The following VRK3 variants were observed in gnomAD, a reference collection of about 807,000 sequenced individuals.
The protein encoded by VRK3 is VRK serine/threonine kinase 3.
A neutral mutation model predicts 60.4 loss-of-function variants in VRK3; 50 were observed. The observed-to-expected ratio is 0.83, with a 90% CI of 0.66 to 1.05. The LOEUF (loss-of-function observed/expected upper bound fraction) is 1.05. Among genes scored for constraint, VRK3 ranks in the 50% least tolerant of loss-of-function variants. The probability of loss-of-function intolerance (pLI) is 0.00; values close to 1 mark genes in which losing one functional copy is unlikely to be tolerated. For synonymous variants in VRK3, 246 were observed against 227.8 expected, an observed-to-expected ratio of 1.08 and a Z score of -0.72; for missense variants, 549 against 585.3, an observed-to-expected ratio of 0.94 and a Z score of 0.64.
At chr19:49,989,071 C>T (rs1021268700) in intron 11 of VRK3, among the ~76,000 whole-genome samples, 3 of 152,150 alleles carry the variant, frequency 2.0e-5, no homozygotes, top group African/African-American at 2.4e-5. Flanking sequence ...TTCCACCACC[C>T]GATGCTGGAG....
chr19:49,994,255 A>G (rs2076662137), intron 9 of VRK3, among the ~76,000 whole-genome samples: 1 of 152,134 alleles, frequency 6.6e-6, no homozygotes, highest in African/African-American at 2.4e-5. Flanking sequence ...TGTTTGATTC[A>G]CTATTGGCCC....
intron 8 of VRK3, 73 bp from the exon 9 acceptor site, chr19:49,994,992 C>T (rs2076676819): frequency 6.9e-7 from 1 of 1,445,750 alleles, no homozygotes; most frequent in Non-Finnish European, 9.5e-7. Context: ...CAAGGATGGA[C>T]TGTTGCGTGG....
chr19:50,009,539 A>T (rs548105774), intron 3 of VRK3, among the ~76,000 whole-genome samples, 154 bp from the exon 4 acceptor site: 1 of 152,180 alleles, frequency 6.6e-6, no homozygotes, highest in Admixed American at 6.5e-5. Context: ...TATATGAGCA[A>T]ACTGTTCCTT....
chr19:49,985,209 G>T (rs577102642), intron 12 of VRK3, among the ~76,000 whole-genome samples: 23 of 152,284 alleles, frequency 1.5e-4, no homozygotes, highest in Admixed American at 7.2e-4. Flanking sequence ...TCTGTGACTC[G>T]TTTTCACCTG....
rs780112038 is a variant in VRK3 at position 50,007,754 on chromosome 19, C to A, written c.362G>T (p.Gly121Val). Reference sequence around the variant, plus strand: ...GCTACAGCTGGTCTTCTGAGGGCTACCCCTGGTCACCTGAGGGCTCTTCCT... The same window carrying A: ...GCTACAGCTGGTCTTCTGAGGGCTAACCCTGGTCACCTGAGGGCTCTTCCT... ...KTRKSPQVTR[G>V]SPQKTSCSPQ... Residue 121 changes from glycine (G) to valine (V), a missense_variant, in exon 5 of 15, where the codon GGT becomes GTT. Gly to Val is a moderately radical substitution (Grantham distance 109, BLOSUM62 -3). Transcript: ENST00000316763. 1.2e-6 allele frequency: 2 copies of A among 1,613,856 alleles called. No individual in the cohort carries two copies. The highest frequency in any genetic ancestry group is 1.7e-5 in the Admixed American group (1 of 60,010).
intron 9 of VRK3, among the ~76,000 whole-genome samples, chr19:49,994,033 C>A (rs1600675745): frequency 6.6e-6 from 1 of 152,174 alleles, no homozygotes; most frequent in Admixed American, 6.5e-5. Context: ...TGCGAGGCCC[C>A]GTGTGATGTG....
Position 50,016,021 on chromosome 19 carries a change from T to TA in VRK3, c.139+2dup. On this transcript the variant is annotated splice_region_variant and intron_variant, in intron 3 of 14. Coordinates refer to ENST00000316763, the MANE Select transcript of VRK3 (RefSeq NM_016440.4). ...GAAACAGGCTCAATGCTCTGGTTCT[T>TA]ACCTTGGAAGGATGACACATGTGGA... 1 of 1,614,112 alleles carries TA rather than the reference T, an allele frequency of 6.2e-7. No homozygotes were observed. The highest frequency in any genetic ancestry group is 1.1e-5 in the South Asian group (1 of 91,064).
At chr19:49,993,757 C>T (rs1356366339) in intron 9 of VRK3, among the ~76,000 whole-genome samples, 1 of 152,070 alleles carries the variant, frequency 6.6e-6, no homozygotes, top group African/African-American at 2.4e-5. Context: ...ATATCCCCAA[C>T]CCTCTTTGAC....
intron 6 of VRK3, chr19:49,999,971 C>G (rs1461325853): frequency 2.0e-5 from 3 of 152,242 alleles, no homozygotes; most frequent in Admixed American, 2.0e-4. Flanking sequence ...CAGCCCGGCT[C>G]AGGCAATGCC....
intron 4 of VRK3, among the ~76,000 whole-genome samples, chr19:50,008,055 C>A (rs913877124): frequency 6.6e-6 from 1 of 152,124 alleles, no homozygotes; most frequent in African/African-American, 2.4e-5. Context: ...CAAGTCTGCT[C>A]TAGACACAGC....
At chr19:49,992,657 TTTC>T (rs1373072218) in intron 10 of VRK3, among the ~76,000 whole-genome samples, 200 bp downstream of exon 10, 6 of 152,216 alleles carry the variant, frequency 3.9e-5, no homozygotes, top group Non-Finnish European at 8.8e-5. Flanking sequence ...AGCCTGTGGA[TTTC>T]TTTTTTTAAG....
chr19:49,997,633 C>A, intron 6 of VRK3, 63 bp from the exon 7 acceptor site: 2 of 1,578,088 alleles, frequency 1.3e-6, no homozygotes, highest in Non-Finnish European at 8.7e-7. Flanking sequence ...GGCCCCCAGT[C>A]CCCACTGGCA....
intron 8 of VRK3, 91 bp from the exon 9 acceptor site, chr19:49,995,010 G>A: frequency 7.5e-7 from 1 of 1,337,970 alleles, no homozygotes; most frequent in East Asian, 2.5e-5. Context: ...TGGGCTGCAA[G>A]GTCCTGGTCC....
chr19:50,023,746 G>T (rs959040634), intron 1 of VRK3, among the ~76,000 whole-genome samples: 1 of 151,656 alleles, frequency 6.6e-6, no homozygotes, highest in Admixed American at 6.6e-5. Context: ...GGGTGGGGGG[G>T]GTCCCCAGCT....
In VRK3 at chr19:50,020,846, C is replaced by T. The variant is rs531450099; in HGVS notation, c.-64-199G>A. On this transcript the variant is annotated intron_variant, in intron 1 of 14. Transcript: ENST00000316763. ...AACAGCAGCAAAGGAAACAACACAG[C>T]CCCTGTCTTCAGGATGCGCACGTTC... Among the ~76,000 whole-genome samples, 5 of 152,236 alleles carry T rather than the reference C, an allele frequency of 3.3e-5. No individual in the cohort carries two copies. The East Asian group carries it at 7.7e-4, about 23-fold the overall frequency.
intron 1 of VRK3, among the ~76,000 whole-genome samples, chr19:50,023,764 T>C (rs1337719596): frequency 6.6e-6 from 1 of 151,896 alleles, no homozygotes. Context: ...GCTGTGTCAG[T>C]ACACATTCAT....
At chr19:49,984,047 T>C (rs1334506650) in intron 12 of VRK3, among the ~76,000 whole-genome samples, 2 of 152,222 alleles carry the variant, frequency 1.3e-5, no homozygotes, top group Non-Finnish European at 2.9e-5. Flanking sequence ...CCCTGCACCA[T>C]GTTGGCGAGT....
chr19:49,986,655 T>C (rs1396753407), intron 12 of VRK3: 1 of 152,246 alleles, frequency 6.6e-6, no homozygotes. Context: ...AAAGGCTTCA[T>C]GTGAGGGAAG....
rs901047249 is a variant in VRK3 at position 49,981,033 on chromosome 19, T to C, written c.1218-20A>G. 6.2e-6 allele frequency: 10 copies of C among 1,610,726 alleles called. No homozygotes were observed. The highest frequency in any genetic ancestry group is 8.5e-6 in the Non-Finnish European group (10 of 1,178,446). ...ACAAACCTGAAGGGACAGAAACACA[T>C]GTGAAAGGTCTCTTAGGGAAAGGAG... On this transcript the variant is annotated intron_variant, in intron 12 of 14. Coordinates refer to ENST00000316763, the MANE Select transcript of VRK3 (RefSeq NM_016440.4).
Sources: allele counts gnomAD v4.1 joint callset (sites outside exome capture counted in the v4.1 genomes callset), GRCh38; gene constraint gnomAD v4.1.1; transcripts MANE v1.5; gene names NCBI Gene and HGNC (gene_info 2026-07-23, HGNC 2026-07-21).